The following SLC4A8 variants were observed in gnomAD, a reference collection of about 807,000 sequenced individuals.
SLC4A8 encodes solute carrier family 4 member 8.
SLC4A8 carries 40 observed loss-of-function variants against 125.0 expected under a neutral mutation model. That is an observed-to-expected ratio of 0.32 (90% CI 0.25 to 0.42). The LOEUF is 0.42. SLC4A8 is among the 10% of genes least tolerant of loss of function. The pLI, the probability that SLC4A8 is intolerant of heterozygous loss-of-function variation, is 1.00. For synonymous variants in SLC4A8, 456 were observed against 476.0 expected, an observed-to-expected ratio of 0.96 and a Z score of 0.55; for missense variants, 863 against 1,355.1, an observed-to-expected ratio of 0.64 and a Z score of 5.70.
intron 1 of SLC4A8, among the ~76,000 whole-genome samples, chr12:51,416,408 C>T (rs752166905): frequency 1.3e-5 from 2 of 152,012 alleles, no homozygotes; most frequent in African/African-American, 2.4e-5. Flanking sequence ...TTTGGGAGGA[C>T]GTGACAGGCA....
chr12:51,445,976 G>T (rs980901677), intron 2 of SLC4A8, among the ~76,000 whole-genome samples: 1 of 152,090 alleles, frequency 6.6e-6, no homozygotes, highest in African/African-American at 2.4e-5. Context: ...CACCTGGGTT[G>T]GTCTCAGTAG....
In SLC4A8 at chr12:51,474,396, G is replaced by A; in HGVS notation, c.1959G>A (p.Lys653=). 6.2e-7 allele frequency: 1 copy of A among 1,613,276 alleles called. No individual in the cohort carries two copies. The highest frequency in any genetic ancestry group is 8.5e-7 in the Non-Finnish European group (1 of 1,179,308). Residue 653 remains lysine (K), a synonymous_variant, in exon 15 of 25, where the codon AAG becomes AAA. Coordinates refer to ENST00000453097, the MANE Select transcript of SLC4A8 (RefSeq NM_001039960.3). ...ACAATCACACCCTCCAGTACTGGAA[G>A]GACCACAACATCGTGACAGCAGAAG... ...NPNNHTLQYW[K]DHNIVTAEVH...
chr12:51,447,224 A>G (rs750739960), intron 2 of SLC4A8, among the ~76,000 whole-genome samples: 46 of 151,888 alleles, frequency 3.0e-4, no homozygotes, highest in Non-Finnish European at 1.6e-4. Flanking sequence ...CTAGGACTAT[A>G]GGTGCACACC....
chr12:51,488,602 A>G (rs1172076699), intron 17 of SLC4A8, 97 bp from the exon 18 acceptor site: 4 of 922,950 alleles, frequency 4.3e-6, no homozygotes, highest in South Asian at 5.0e-5. Context: ...ACCTCACTCA[A>G]GAATAAAAAG....
chr12:51,403,523 A>G (rs1443682311), intron 1 of SLC4A8, among the ~76,000 whole-genome samples: 1 of 152,188 alleles, frequency 6.6e-6, no homozygotes, highest in Non-Finnish European at 1.5e-5. Context: ...AAACAAGGGT[A>G]CATTTAGGTG....
intron 1 of SLC4A8, among the ~76,000 whole-genome samples, chr12:51,416,217 T>TTTTG (rs926406410): frequency 4.0e-5 from 5 of 125,492 alleles, no homozygotes; most frequent in Admixed American, 1.5e-4. Context: ...TTTTGTTTTT[T>TTTTG]TTTTTTTTTT....
At chr12:51,461,165 A>G (rs1345651818) in intron 8 of SLC4A8, 39 bp from the exon 9 acceptor site, 1 of 1,069,848 alleles carries the variant, frequency 9.3e-7, no homozygotes, top group East Asian at 2.4e-5. Flanking sequence ...ACTTCTTTAT[A>G]TTTACTTACA....
At position 51,497,105 on chromosome 12, in the gene SLC4A8, A is replaced by G; in HGVS notation, c.3062A>G (p.Lys1021Arg). Residue 1021 changes from lysine to arginine, a missense_variant, in exon 22 of 25, where the codon AAG becomes AGG. Physicochemically the swap from Lys to Arg is conservative, Grantham distance 26 (BLOSUM62 2). This residue lies in a region of SLC4A8 where 92 missense variants were observed against 125.6 expected (regional missense o/e 0.73). Transcript: ENST00000453097. ...AAGAAGAAGTTGGATGATGCCAAAA[A>G]GAAGGCCAAGGAGGAAGAGGTCATA... ...SKKKKLDDAK[K>R]KAKEEEEAEK... 1 of 1,613,588 alleles carries G rather than the reference A, an allele frequency of 6.2e-7. No homozygotes were observed. Among genetic ancestry groups the G allele is most frequent in the Non-Finnish European group, 8.5e-7 (1 of 1,179,910 alleles).
intron 1 of SLC4A8, chr12:51,425,317 T>G: frequency 7.9e-7 from 1 of 1,264,400 alleles, no homozygotes; most frequent in Non-Finnish European, 1.0e-6. Flanking sequence ...CGGCGACCTC[T>G]TGTTCTCCTC....
intron 1 of SLC4A8, among the ~76,000 whole-genome samples, chr12:51,409,326 A>C (rs10876173): frequency 0.17 from 25,476 of 151,978 alleles, 3,435 homozygotes; most frequent in African/African-American, 0.36. Context: ...TGTTTGCTAG[A>C]TCTTTTCTCT....
chr12:51,452,279 T>G lies in SLC4A8; in HGVS notation c.413+20T>G. 6.2e-7 allele frequency: 1 copy of G among 1,613,968 alleles called. No individual in the cohort carries two copies. Among genetic ancestry groups the G allele is most frequent in the Non-Finnish European group, 8.5e-7 (1 of 1,179,926 alleles). ...AGCCAGGTGAGGCCCTAAAATGGCC[T>G]GCATCAAGATCTGCTTGGGTAGGCA... On this transcript the variant is annotated intron_variant, in intron 4 of 24. Transcript: ENST00000453097.
chr12:51,504,698 A>G (rs1473051498), intron 23 of SLC4A8, among the ~76,000 whole-genome samples: 1 of 152,184 alleles, frequency 6.6e-6, no homozygotes, highest in East Asian at 1.9e-4. Context: ...AGAAATAGTC[A>G]ATGTTAGCCT....
At chr12:51,424,054 C>CAAAAAAAAA (rs1334821004), upstream of SLC4A8, among the ~76,000 whole-genome samples, 1 of 77,446 alleles carries the variant, frequency 1.3e-5, no homozygotes, top group Non-Finnish European at 2.5e-5. Flanking sequence ...AAAAAAAAAA[C>CAAAAAAAAA]AAAAAAAACA....
chr12:51,463,528 TG>T, intron 10 of SLC4A8, 85 bp from the exon 11 acceptor site: 1 of 987,796 alleles, frequency 1.0e-6, no homozygotes, highest in African/African-American at 1.6e-5. Context: ...TGGTTGCTTT[TG>T]GGTTATCCCA....
intron 16 of SLC4A8, among the ~76,000 whole-genome samples, chr12:51,477,198 C>T (rs1246534678): frequency 6.6e-6 from 1 of 152,004 alleles, no homozygotes; most frequent in Non-Finnish European, 1.5e-5. Context: ...GCCACCATGC[C>T]CAACCAATAC....
chr12:51,499,917 TAGC>T (rs1937775881), intron 22 of SLC4A8, among the ~76,000 whole-genome samples: 1 of 152,108 alleles, frequency 6.6e-6, no homozygotes, highest in Non-Finnish European at 1.5e-5. Context: ...GACAGAGTGG[TAGC>T]AGGGAGACCA....
intron 22 of SLC4A8, chr12:51,497,641 A>C (rs1951499614): frequency 6.5e-6 from 1 of 152,796 alleles, no homozygotes; most frequent in Admixed American, 6.5e-5. Context: ...TGTGTAGCAA[A>C]TGAAAATACC....
chr12:51,416,004 C>T (rs1277267314), intron 1 of SLC4A8, among the ~76,000 whole-genome samples: 2 of 150,740 alleles, frequency 1.3e-5, no homozygotes. Flanking sequence ...AAGAGTACGA[C>T]CTCTACTCTC....
At chr12:51,395,558 G>A (rs1186778532) in intron 1 of SLC4A8, among the ~76,000 whole-genome samples, 2 of 152,172 alleles carry the variant, frequency 1.3e-5, no homozygotes, top group East Asian at 3.9e-4. Flanking sequence ...CCTTCCACAC[G>A]GTCCCTGGTG....
Sources: allele counts gnomAD v4.1 joint callset (sites outside exome capture counted in the v4.1 genomes callset), GRCh38; gene constraint gnomAD v4.1.1; regional missense constraint gnomAD v4.1.1; transcripts MANE v1.5; gene names NCBI Gene and HGNC (gene_info 2026-07-23, HGNC 2026-07-21).